The following STAMBPL1 variants were observed in gnomAD, a reference collection of about 807,000 sequenced individuals.
STAMBPL1 encodes the protein STAM binding protein like 1, also known as AMSH-like protease.
Under a neutral mutation model 52.9 loss-of-function variants are expected in STAMBPL1, and 44 were observed. The observed-to-expected ratio is 0.83, with a 90% CI of 0.65 to 1.07. The LOEUF is 1.07. Ranked by LOEUF, STAMBPL1 falls within the 50% of genes least tolerant of loss-of-function variation. The pLI is 0.00. For synonymous variants in STAMBPL1, 164 were observed against 177.3 expected (o/e 0.92, Z 0.60); for missense variants, 511 against 520.8 (o/e 0.98, Z 0.18).
At chr10:88,892,518 A>G (rs1002459318) in intron 1 of STAMBPL1, among the ~76,000 whole-genome samples, 1 of 152,162 alleles carries the variant, frequency 6.6e-6, no homozygotes, top group Admixed American at 6.5e-5. Context: ...ATGGTGAGCA[A>G]ATTTGGACAG....
intron 1 of STAMBPL1, chr10:88,894,058 C>A: frequency 6.6e-6 from 1 of 152,234 alleles, no homozygotes; most frequent in Non-Finnish European, 1.5e-5. Context: ...AAATCATGGT[C>A]GTAATCATTT....
intron 3 of STAMBPL1, among the ~76,000 whole-genome samples, chr10:88,906,862 A>G (rs1249393985): frequency 6.6e-6 from 1 of 152,118 alleles, no homozygotes; most frequent in East Asian, 1.9e-4. Context: ...TGACCTCCCA[A>G]AGTCCTGGGA....
chr10:88,915,608 C>G (rs1366347011), intron 7 of STAMBPL1, among the ~76,000 whole-genome samples: 1 of 152,208 alleles, frequency 6.6e-6, no homozygotes, highest in Non-Finnish European at 1.5e-5. Flanking sequence ...TACCGAATAT[C>G]TAAATGTGCC....
intron 1 of STAMBPL1, among the ~76,000 whole-genome samples, chr10:88,892,164 A>G (rs1238406517): frequency 6.6e-6 from 1 of 152,148 alleles, no homozygotes; most frequent in East Asian, 1.9e-4. Context: ...TTAAATAGGG[A>G]AAGTTCAGCT....
chr10:88,889,238 A>G (rs1844617511), intron 1 of STAMBPL1, among the ~76,000 whole-genome samples: 1 of 152,172 alleles, frequency 6.6e-6, no homozygotes, highest in Non-Finnish European at 1.5e-5. Context: ...TGGTCAAGGA[A>G]ATCTATGGGG....
chr10:88,888,459 G>C (rs929781531), intron 1 of STAMBPL1, among the ~76,000 whole-genome samples: 19 of 152,306 alleles, frequency 1.2e-4, no homozygotes, highest in African/African-American at 4.6e-4. Context: ...ACAAGGGTGA[G>C]GACTTGGGGC....
rs564673372 is a variant in STAMBPL1 at position 88,887,310 on chromosome 10, C to A, written c.-54+6672C>A. On this transcript the variant is annotated intron_variant, in intron 1 of 10. Coordinates refer to ENST00000371926, the MANE Select transcript of STAMBPL1 (RefSeq NM_020799.4). ...TGTAGAACTTTGTTTTTTTTCAATT[C>A]ATGAAAAATTTAATAAATTAAAATG... Among the ~76,000 whole-genome samples the A allele has an allele frequency of 2.7e-5, 4 of 150,636 alleles. No homozygotes were observed. The South Asian group carries it at 8.5e-4, about 32-fold the overall frequency.
intron 2 of STAMBPL1, among the ~76,000 whole-genome samples, chr10:88,904,383 T>C (rs1845021595): frequency 6.6e-6 from 1 of 152,228 alleles, no homozygotes. Context: ...AAACTCCCAG[T>C]TGATGCTGAT....
intron 3 of STAMBPL1, among the ~76,000 whole-genome samples, chr10:88,907,467 T>C (rs567535894): frequency 5.6e-4 from 86 of 152,226 alleles, no homozygotes; most frequent in Non-Finnish European, 1.1e-3. Flanking sequence ...TCTGAATAAG[T>C]TACCAATTAA....
chr10:88,916,886 G>C lies in STAMBPL1; in HGVS notation c.1041+69G>C, dbSNP rs952893803. On this transcript the variant is annotated intron_variant, in intron 8 of 10. Transcript: ENST00000371926. ...ATGCTATTTTCCTCCTTGAAGAAAA[G>C]TTTAGCTTCATTTAAATAGCTTCTT... 3.7e-6 allele frequency: 5 copies of C among 1,359,078 alleles called. No homozygotes were observed. The African/African-American group carries it at 7.5e-5, about 20-fold the overall frequency. The allele number at this position is 1,359,078 out of a possible 1,614,324, so 84.2% of individuals were successfully genotyped here.
chr10:88,899,762 G>A (rs1351437670), intron 1 of STAMBPL1, among the ~76,000 whole-genome samples: 2 of 152,006 alleles, frequency 1.3e-5, no homozygotes, highest in South Asian at 2.1e-4. Context: ...CGCCTGCCTC[G>A]GCCTCCCAAA....
chr10:88,922,312 A>G, intron 9 of STAMBPL1, 25 bp from the exon 10 acceptor site: 3 of 1,610,598 alleles, frequency 1.9e-6, no homozygotes, highest in Non-Finnish European at 2.5e-6. Context: ...TAATTTTTCT[A>G]TCTTGTTTTT....
intron 8 of STAMBPL1, among the ~76,000 whole-genome samples, chr10:88,918,239 A>T (rs954227550): frequency 1.3e-5 from 2 of 151,600 alleles, no homozygotes; most frequent in African/African-American, 4.8e-5. Flanking sequence ...ATCATTTTGT[A>T]TTTTACTTGC....
rs1844802748 is a variant in STAMBPL1 at position 88,896,044 on chromosome 10, A to G, written c.-53-5612A>G. On this transcript the variant is annotated intron_variant, in intron 1 of 10. Transcript: ENST00000371926. ...TAATGTGGAATATACCTCTAGAAGT[A>G]ACAGACAAGCACCTGGCACCTAGTA... is the stretch of plus-strand genomic sequence containing the variant. Among the ~76,000 whole-genome samples the G allele has an allele frequency of 7.9e-5, 12 of 152,214 alleles. No individual in the cohort carries two copies. In the South Asian group the frequency reaches 2.5e-3, roughly 31 times the overall value.
intron 2 of STAMBPL1, 30 bp from the exon 3 acceptor site, chr10:88,905,413 T>C: frequency 6.5e-7 from 1 of 1,548,440 alleles, no homozygotes; most frequent in Non-Finnish European, 8.9e-7. Flanking sequence ...TAATCAACAG[T>C]TAATCAGAGA....
intron 1 of STAMBPL1, among the ~76,000 whole-genome samples, chr10:88,881,688 T>A (rs1215742626): frequency 6.6e-6 from 1 of 152,190 alleles, no homozygotes; most frequent in East Asian, 1.9e-4. Flanking sequence ...TCGTGTCAAT[T>A]TTTTTGAGGG....
chr10:88,906,153 A>G (rs558660897), intron 3 of STAMBPL1, among the ~76,000 whole-genome samples: 1 of 151,542 alleles, frequency 6.6e-6, no homozygotes, highest in Non-Finnish European at 1.5e-5. Flanking sequence ...AAACTCATTC[A>G]AGTTTCATAT....
At chr10:88,892,321 G>A (rs189288641) in intron 1 of STAMBPL1, among the ~76,000 whole-genome samples, 43 of 150,618 alleles carry the variant, frequency 2.9e-4, no homozygotes, top group African/African-American at 1.0e-3. Flanking sequence ...AAATCTGTGG[G>A]GTTTGTGTAT....
chr10:88,886,442 A>G (rs1844535134), intron 1 of STAMBPL1, among the ~76,000 whole-genome samples: 1 of 152,216 alleles, frequency 6.6e-6, no homozygotes, highest in African/African-American at 2.4e-5. Context: ...CAAAAGTTCA[A>G]TTCTTTTTAA....
Sources: gnomAD v4.1 joint callset for allele counts (sites outside exome capture counted in the v4.1 genomes callset) on GRCh38, gnomAD v4.1.1 for gene constraint, MANE v1.5 for transcripts, NCBI Gene and HGNC (gene_info 2026-07-23, HGNC 2026-07-21) for gene names.